Variants in STK39 observed in about 807,000 individuals in gnomAD.
The protein encoded by STK39 is serine/threonine kinase 39, also known as STE20/SPS1-related proline-alanine-rich protein kinase.
Under a neutral mutation model 77.8 loss-of-function variants are expected in STK39, and 20 were observed. That is an observed-to-expected ratio of 0.26 (90% CI 0.18 to 0.37). STK39 has a LOEUF of 0.37. STK39 is among the 10% of genes least tolerant of loss of function. The pLI is 1.00. For synonymous variants in STK39, 246 were observed against 234.1 expected, an observed-to-expected ratio of 1.05 and a Z score of -0.47; for missense variants, 479 against 656.5, an observed-to-expected ratio of 0.73 and a Z score of 2.95.
intron 5 of STK39, among the ~76,000 whole-genome samples, chr2:168,143,573 G>A (rs2105538286): frequency 6.6e-6 from 1 of 152,256 alleles, no homozygotes; most frequent in East Asian, 1.9e-4. Context: ...AATCAGCTGG[G>A]CCTGGTGGCA....
At chr2:168,158,675 T>G (rs926039120) in intron 5 of STK39, among the ~76,000 whole-genome samples, 1 of 152,222 alleles carries the variant, frequency 6.6e-6, no homozygotes, top group African/African-American at 2.4e-5. Context: ...CCGCTTATTC[T>G]ACGTGTGACC....
chr2:168,027,692 A>G (rs1684735575), intron 14 of STK39, among the ~76,000 whole-genome samples: 2 of 152,242 alleles, frequency 1.3e-5, no homozygotes, highest in Non-Finnish European at 2.9e-5. Flanking sequence ...CATATTTTAA[A>G]GAATTTGGCC....
intron 14 of STK39, among the ~76,000 whole-genome samples, chr2:168,018,158 T>G (rs1684462591): frequency 6.6e-6 from 1 of 152,142 alleles, no homozygotes; most frequent in Non-Finnish European, 1.5e-5. Context: ...TAAAATATTA[T>G]AAGTATCAAC....
At chr2:168,133,688 T>C (rs547349558) in intron 8 of STK39, among the ~76,000 whole-genome samples, 1 of 152,140 alleles carries the variant, frequency 6.6e-6, no homozygotes, top group Non-Finnish European at 1.5e-5. Context: ...TGAAACCCCA[T>C]CTCTGTTAAA....
At chr2:168,168,932 G>C (rs934355473) in intron 2 of STK39, among the ~76,000 whole-genome samples, 10 of 152,140 alleles carry the variant, frequency 6.6e-5, no homozygotes, top group African/African-American at 2.2e-4. Flanking sequence ...GCAGTGAGCT[G>C]AGATCGTGCC....
intron 16 of STK39, among the ~76,000 whole-genome samples, chr2:167,988,783 A>T (rs572050105): frequency 1.3e-5 from 2 of 152,228 alleles, no homozygotes. Context: ...CCTTTAAAAA[A>T]TGACTGTATT....
At chr2:168,129,903 G>T in intron 8 of STK39, 145 bp from the exon 9 acceptor site, 1 of 845,742 alleles carries the variant, frequency 1.2e-6, no homozygotes, top group Non-Finnish European at 1.9e-6. Flanking sequence ...TCATAGGCTG[G>T]CACCAAATAA....
chr2:168,245,648 G>A (rs1690878245), intron 1 of STK39, among the ~76,000 whole-genome samples: 1 of 152,210 alleles, frequency 6.6e-6, no homozygotes, highest in Non-Finnish European at 1.5e-5. Flanking sequence ...CCAGATGTGC[G>A]GAAGACAGCG....
chr2:168,186,967 TATAAG>T (rs1380542089), intron 1 of STK39, among the ~76,000 whole-genome samples: 1 of 152,206 alleles, frequency 6.6e-6, no homozygotes, highest in African/African-American at 2.4e-5. Flanking sequence ...GAGTTTAAAA[TATAAG>T]AGACAATCCA....
intron 1 of STK39, among the ~76,000 whole-genome samples, chr2:168,214,253 C>CAAA (rs151157426): frequency 4.3e-5 from 3 of 69,136 alleles, no homozygotes; most frequent in African/African-American, 5.2e-5. Context: ...ACAACAACAA[C>CAAA]AACAAAAAAA....
Position 168,074,975 on chromosome 2 carries a change from A to C in STK39, c.1242+7T>G, listed in dbSNP as rs759790231. The C allele has an allele frequency of 6.2e-7, 1 of 1,613,224 alleles. No homozygotes were observed. The highest frequency in any genetic ancestry group is 1.1e-5 in the South Asian group (1 of 91,056). ...GGCAAAATAATAAATAAATAGCCAC[A>C]GCTCACCTCTGGATTTTCTTCTTTT... On this transcript the variant is annotated splice_region_variant and intron_variant, in intron 12 of 17. Transcript: ENST00000355999.
At chr2:168,039,622 A>G (rs1206585514) in intron 14 of STK39, among the ~76,000 whole-genome samples, 1 of 151,030 alleles carries the variant, frequency 6.6e-6, no homozygotes, top group African/African-American at 2.4e-5. Flanking sequence ...AAAAAAAAAA[A>G]GCAGATCAGT....
At position 167,999,370 on chromosome 2, in the gene STK39, G is replaced by A. The variant is rs940830161; in HGVS notation, c.1498+13264C>T. On this transcript the variant is annotated intron_variant, in intron 16 of 17. Coordinates refer to ENST00000355999, the MANE Select transcript of STK39 (RefSeq NM_013233.3). Reference sequence around the variant, plus strand: ...GACTTGTCTAAGGTCTGCCTCTCGAGTTGGACTGCAAGCTTCTTGAGGGCA... The same window carrying A: ...GACTTGTCTAAGGTCTGCCTCTCGAATTGGACTGCAAGCTTCTTGAGGGCA... Among the ~76,000 whole-genome samples the A allele has an allele frequency of 4.6e-5, 7 of 152,316 alleles. No homozygotes were observed. In the South Asian group the frequency reaches 6.2e-4, roughly 14 times the overall value.
chr2:168,208,712 C>T (rs1439401540), intron 1 of STK39, among the ~76,000 whole-genome samples: 1 of 152,220 alleles, frequency 6.6e-6, no homozygotes, highest in Non-Finnish European at 1.5e-5. Context: ...GGCAGGACCA[C>T]GTGACTTGTT....
intron 1 of STK39, among the ~76,000 whole-genome samples, chr2:168,207,880 AC>A (rs1444275874): frequency 6.6e-6 from 1 of 152,114 alleles, no homozygotes; most frequent in African/African-American, 2.4e-5. Flanking sequence ...AGGTCGGTCT[AC>A]TCCCAAAGTC....
chr2:168,218,445 T>C (rs1252231435), intron 1 of STK39, among the ~76,000 whole-genome samples: 1 of 152,168 alleles, frequency 6.6e-6, no homozygotes, highest in East Asian at 1.9e-4. Flanking sequence ...CACAGCACCA[T>C]GCATACCAGG....
At chr2:168,153,174 T>C (rs1688335376) in intron 5 of STK39, among the ~76,000 whole-genome samples, 1 of 152,240 alleles carries the variant, frequency 6.6e-6, no homozygotes, top group Non-Finnish European at 1.5e-5. Context: ...TATTGCTCAA[T>C]ATTCTTTTAA....
chr2:167,975,797 T>A (rs896212450), intron 16 of STK39, among the ~76,000 whole-genome samples: 2 of 152,126 alleles, frequency 1.3e-5, no homozygotes, highest in Non-Finnish European at 2.9e-5. Flanking sequence ...AACCATCAGT[T>A]TAGTTCTTCT....
At position 168,181,843 on chromosome 2, in the gene STK39, G is replaced by A. The variant is rs1345019625; in HGVS notation, c.321+135C>T. ...ACAGTCCCATTAATCTGGGGAGCAG[G>A]AAGTGGTAGGGGCTGCTTTCCAAGA... On this transcript the variant is annotated intron_variant, in intron 2 of 17. Coordinates refer to ENST00000355999, the MANE Select transcript of STK39 (RefSeq NM_013233.3). 5 of 653,176 alleles carry A rather than the reference G, an allele frequency of 7.7e-6. No individual in the cohort carries two copies. The East Asian group carries it at 1.4e-4, about 18-fold the overall frequency. The allele number at this position is 653,176 out of a possible 1,614,324, so 40.5% of individuals were successfully genotyped here. A position where few individuals can be genotyped will look rare whatever the true frequency, so the allele number is the denominator to read the frequency against.
Sources: allele counts gnomAD v4.1 joint callset (sites outside exome capture counted in the v4.1 genomes callset), GRCh38; gene constraint gnomAD v4.1.1; transcripts MANE v1.5; gene names NCBI Gene and HGNC (gene_info 2026-07-23, HGNC 2026-07-21).